SMARCA4: variants seen among roughly 807,000 people sequenced by gnomAD.
SMARCA4 encodes SWI/SNF-related matrix-associated actin-dependent regulator of chromatin subfamily A member 4.
Under a neutral mutation model 193.9 loss-of-function variants are expected in SMARCA4, and 31 were observed. That is an observed-to-expected ratio of 0.16 (90% CI 0.12 to 0.22). The LOEUF (loss-of-function observed/expected upper bound fraction) is 0.22. Ranked by LOEUF, SMARCA4 falls within the 10% of genes least tolerant of loss-of-function variation. The probability of loss-of-function intolerance (pLI) is 1.00; values close to 1 mark genes in which losing one functional copy is unlikely to be tolerated. For synonymous variants in SMARCA4, 942 were observed against 933.1 expected, an observed-to-expected ratio of 1.01 and a Z score of -0.17; for missense variants, 1,148 against 2,296.0, an observed-to-expected ratio of 0.50 and a Z score of 10.22.
chr19:11,011,622 T>C (rs2088855454), intron 15 of SMARCA4: 1 of 152,204 alleles, frequency 6.6e-6, no homozygotes, highest in African/African-American at 2.4e-5. Context: ...GAGGCTGAGA[T>C]GGGAGGATCG....
chr19:10,977,336 T>G (rs2085221927), intron 1 of SMARCA4, among the ~76,000 whole-genome samples: 1 of 152,036 alleles, frequency 6.6e-6, no homozygotes, highest in African/African-American at 2.4e-5. Context: ...TGTTTTTGTT[T>G]TTTTTGAGAT....
In SMARCA4 at chr19:10,968,508, TTC is replaced by T. The variant is rs375692925; in HGVS notation, c.-32+7336_-32+7337del. 1.3e-3 allele frequency among the ~76,000 whole-genome samples: 203 copies of T among 152,254 alleles called. 1 individual carries two copies. The highest frequency in any genetic ancestry group is 4.6e-3 in the African/African-American group (192 of 41,548). ...GGTTCTTTGAGGAGGTGTTTTTTTTTTCTTTCCACTTTTTATTTTTTTAGAGA... is the reference window on the plus strand; with the variant it reads ...GGTTCTTTGAGGAGGTGTTTTTTTTTTTTCCACTTTTTATTTTTTTAGAGA... On this transcript the variant is annotated intron_variant, in intron 1 of 34. Coordinates refer to ENST00000344626, the MANE Select transcript of SMARCA4 (RefSeq NM_003072.5).
chr19:10,991,266 G>T lies in SMARCA4; in HGVS notation c.1362G>T (p.Glu454Asp), dbSNP rs2086535905. The change falls in exon 8 of 35, where the codon GAG becomes GAT. Residue 454 changes from glutamate (E) to aspartate (D), a missense_variant. By Grantham distance (45) the Glu-to-Asp change is conservative. This residue lies in a region of SMARCA4 where 69 missense variants were observed against 186.9 expected (regional missense o/e 0.37). Transcript: ENST00000344626. ...CCCTGCGCGAGGCCCGCATCACTGAGAAGCTGGAGAAGCAGCAGAAGATCG... is the reference window on the plus strand; with the variant it reads ...CCCTGCGCGAGGCCCGCATCACTGATAAGCTGGAGAAGCAGCAGAAGATCG... ...RQSLREARIT[E>D]KLEKQQKIEQ... The T allele has an allele frequency of 6.2e-7, 1 of 1,611,948 alleles. No homozygotes were observed. The highest frequency in any genetic ancestry group is 8.5e-7 in the Non-Finnish European group (1 of 1,179,348).
Position 11,024,024 on chromosome 19 carries a change from C to T in SMARCA4, c.2974-307C>T, listed in dbSNP as rs557281937. Among the ~76,000 whole-genome samples the T allele has an allele frequency of 5.3e-3, 813 of 152,312 alleles. 6 individuals carry two copies. The highest frequency in any genetic ancestry group is 0.025 in the South Asian group (120 of 4,832). ...GTTCCCACAGCAAGACCCATGGACT[C>T]GGGGTCCCCGGCTGCAGTTGTCCCT... is the stretch of plus-strand genomic sequence containing the variant. On this transcript the variant is annotated intron_variant, in intron 20 of 34. Transcript: ENST00000344626.
intron 30 of SMARCA4, among the ~76,000 whole-genome samples, chr19:11,055,253 G>A (rs1169907812): frequency 3.9e-5 from 6 of 152,062 alleles, no homozygotes; most frequent in African/African-American, 1.2e-4. Context: ...GCAGTGGTGC[G>A]ATCTCGGCTC....
intron 1 of SMARCA4, among the ~76,000 whole-genome samples, chr19:10,982,591 C>T (rs1250033950): frequency 6.6e-6 from 1 of 151,028 alleles, no homozygotes; most frequent in African/African-American, 2.4e-5. Context: ...GCGCCGCCTC[C>T]TGGGTTCACA....
chr19:11,058,777 G>A lies in SMARCA4; in HGVS notation c.4534-11G>A, dbSNP rs771499708. 1.1e-5 allele frequency: 18 copies of A among 1,612,194 alleles called. No homozygotes were observed. In the Admixed American group the frequency reaches 1.8e-4, roughly 16 times the overall value. ...TCCTGAGGTAAGACCTGCTCCTCCC[G>A]TCCACTGCAGGAGCGCATTCGCAAC... On this transcript the variant is annotated splice_polypyrimidine_tract_variant and intron_variant, in intron 31 of 34. Transcript: ENST00000344626. This position sits in a 1 kb window ranked among gnomAD's most constrained non-coding sequence, Gnocchi z 5.8.
chr19:10,979,385 C>G (rs1333434835), intron 1 of SMARCA4, among the ~76,000 whole-genome samples: 1 of 151,730 alleles, frequency 6.6e-6, no homozygotes, highest in Admixed American at 6.6e-5. Context: ...GATGACTCTC[C>G]CAGACATGGT....
intron 29 of SMARCA4, among the ~76,000 whole-genome samples, chr19:11,037,945 A>T (rs1373036695): frequency 6.6e-6 from 1 of 152,214 alleles, no homozygotes; most frequent in East Asian, 1.9e-4. Flanking sequence ...TGTGAAAAAT[A>T]TTATACAAAA....
At position 11,026,292 on chromosome 19, in the gene SMARCA4, C is replaced by T. The variant is rs1555781041; in HGVS notation, c.3169-8C>T. 2 of 1,613,194 alleles carry T rather than the reference C, an allele frequency of 1.2e-6. No individual in the cohort carries two copies. The highest frequency in any genetic ancestry group is 1.7e-5 in the Admixed American group (1 of 60,016). On this transcript the variant is annotated splice_polypyrimidine_tract_variant and splice_region_variant and intron_variant, in intron 22 of 34. Coordinates refer to ENST00000344626, the MANE Select transcript of SMARCA4 (RefSeq NM_003072.5). ...CCTGTCACTGACCCCTCTCTCCTTG[C>T]CTTGCAGGAGTCCTTTTCCGAGCAC... is the stretch of plus-strand genomic sequence containing the variant.
chr19:11,059,093 A>G lies in SMARCA4; in HGVS notation c.4635+204A>G. 8.9e-6 allele frequency: 5 copies of G among 564,854 alleles called. No individual in the cohort carries two copies. The South Asian group carries it at 1.1e-4, about 13-fold the overall frequency. 35.0% of individuals were successfully genotyped at this position (564,854 alleles called of 1,614,324 possible). On this transcript the variant is annotated intron_variant, in intron 32 of 34. Transcript: ENST00000344626. ...AGTTCACGACCAGCCTGGGCAACAT[A>G]ACAAGACCCTGTCTTTAAAAAAAAA...
chr19:11,026,389 C>CTGTCGTTTTGTTGGCTTTATTG (rs2090261373), intron 23 of SMARCA4, 43 bp downstream of exon 23: 1 of 1,536,982 alleles, frequency 6.5e-7, no homozygotes, highest in Non-Finnish European at 9.0e-7. Context: ...GGTGGTCCAC[C>CTGTCGTTTTGTTGGCTTTATTG]CAGAGGTTTT....
At chr19:11,028,394 T>C (rs948789057) in intron 24 of SMARCA4, among the ~76,000 whole-genome samples, 2 of 152,358 alleles carry the variant, frequency 1.3e-5, no homozygotes, top group Middle Eastern at 3.4e-3. Flanking sequence ...TCTTCCATCT[T>C]GGCTTCCTTT....
intron 18 of SMARCA4, among the ~76,000 whole-genome samples, chr19:11,020,204 T>C (rs1028309950): frequency 1.3e-5 from 2 of 152,166 alleles, no homozygotes; most frequent in Admixed American, 1.3e-4. Context: ...GTGAGGGTCC[T>C]ACTGTCCTGG....
At chr19:10,967,887 A>T (rs1186541336) in intron 1 of SMARCA4, among the ~76,000 whole-genome samples, 6 of 143,034 alleles carry the variant, frequency 4.2e-5, no homozygotes, top group Non-Finnish European at 6.1e-5. Context: ...TTATTTATTT[A>T]TTTTTTTGAG....
chr19:11,017,592 C>T (rs2089481674), intron 16 of SMARCA4, among the ~76,000 whole-genome samples: 1 of 152,260 alleles, frequency 6.6e-6, no homozygotes, highest in East Asian at 1.9e-4. Context: ...ACCTCTGTCT[C>T]TGGGACCTGT....
At chr19:11,043,870 G>A (rs1195149783) in intron 30 of SMARCA4, among the ~76,000 whole-genome samples, 5 of 152,124 alleles carry the variant, frequency 3.3e-5, no homozygotes, top group South Asian at 4.1e-4. Context: ...CTCCCAGCTC[G>A]GGAGGCTGGG....
intron 1 of SMARCA4, among the ~76,000 whole-genome samples, chr19:10,976,881 C>T (rs765485544): frequency 1.3e-5 from 2 of 151,886 alleles, no homozygotes; most frequent in Non-Finnish European, 2.9e-5. Flanking sequence ...ATGGCAAAAA[C>T]CCTGTCTCTA....
rs1294184997 is a variant in SMARCA4 at position 10,975,126 on chromosome 19, C to T, written c.-31-8995C>T. 4.5e-5 allele frequency among the ~76,000 whole-genome samples: 6 copies of T among 134,620 alleles called. No individual in the cohort carries two copies. In the East Asian group the frequency reaches 6.9e-4, roughly 16 times the overall value. 88.3% of individuals were successfully genotyped at this position (134,620 alleles called of 152,430 possible). A position where few individuals can be genotyped will look rare whatever the true frequency, so the allele number is the denominator to read the frequency against. On this transcript the variant is annotated intron_variant, in intron 1 of 34. Coordinates refer to ENST00000344626, the MANE Select transcript of SMARCA4 (RefSeq NM_003072.5). ...TCCGTTTCCTGGTTCAAGTGATTAT[C>T]GTGCCTCAGCCTCCTGAGTAGCTGG...
Sources: gnomAD v4.1 joint callset for allele counts (sites outside exome capture counted in the v4.1 genomes callset) on GRCh38, gnomAD v4.1.1 for gene constraint, gnomAD v4.1.1 regional missense constraint, Gnocchi (gnomAD v3.1) non-coding constraint, MANE v1.5 for transcripts, NCBI Gene and HGNC (gene_info 2026-07-23, HGNC 2026-07-21) for gene names.